CEP63: variants seen among roughly 807,000 people sequenced by gnomAD.
CEP63 encodes the protein centrosomal protein 63, also known as centrosomal protein of 63 kDa.
A neutral mutation model predicts 89.1 loss-of-function variants in CEP63; 84 were observed. That is an observed-to-expected ratio of 0.94 (90% CI 0.79 to 1.13). The LOEUF (loss-of-function observed/expected upper bound fraction) is 1.13, where lower values mean the gene tolerates loss of function less well. CEP63 is among the 50% of genes most tolerant of loss of function. The pLI, the probability that CEP63 is intolerant of heterozygous loss-of-function variation, is 0.00. For missense variants in CEP63, 838 were observed against 813.3 expected, an observed-to-expected ratio of 1.03 and a Z score of -0.37; for synonymous variants, 267 against 272.5, an observed-to-expected ratio of 0.98 and a Z score of 0.20.
chr3:134,608,970 T>C, the CEP63 span: 1 of 1,016,046 alleles, frequency 9.8e-7, no homozygotes, highest in Non-Finnish European at 1.4e-6. Flanking sequence ...ACATGGGCAC[T>C]GGAGACTCCT....
At chr3:134,664,393 C>A in the CEP63 span, among the ~76,000 whole-genome samples, 1 of 152,190 alleles carries the variant, frequency 6.6e-6, no homozygotes, top group Non-Finnish European at 1.5e-5. Flanking sequence ...ACAAGCAGCA[C>A]CAGCCCAAAC....
chr3:134,621,813 A>G, the CEP63 span, among the ~76,000 whole-genome samples: 1 of 152,228 alleles, frequency 6.6e-6, no homozygotes, highest in Admixed American at 6.5e-5. Context: ...TGCAAATCAT[A>G]TATCCAATAA....
the CEP63 span, among the ~76,000 whole-genome samples, chr3:134,682,293 C>A: frequency 6.6e-6 from 1 of 152,100 alleles, no homozygotes; most frequent in East Asian, 1.9e-4. Flanking sequence ...CTCTGGGTAC[C>A]TTTTTAGCTA....
chr3:134,559,217 C>T lies in CEP63; in HGVS notation c.1741C>T (p.Pro581Ser). 1 of 1,614,136 alleles carries T rather than the reference C, an allele frequency of 6.2e-7. No homozygotes were observed. The highest frequency in any genetic ancestry group is 8.5e-7 in the Non-Finnish European group (1 of 1,180,008). Residue 581 changes from proline to serine, a missense_variant, in exon 14 of 15, where the codon CCA (proline) becomes TCA (serine). Pro to Ser is a moderately conservative substitution (Grantham distance 74). Coordinates refer to ENST00000675561, the MANE Select transcript of CEP63 (RefSeq NM_001353108.3). ...TEHYKTDLHS[P>S]RGQASDSINP... Reference sequence around the variant, plus strand: ...GCACTACAAAACAGATCTTCATTCTCCAAGAGGACAAGCGTCGGATAGTAT... The same window carrying T: ...GCACTACAAAACAGATCTTCATTCTTCAAGAGGACAAGCGTCGGATAGTAT...
chr3:134,647,043 T>G, the CEP63 span, among the ~76,000 whole-genome samples: 13 of 152,354 alleles, frequency 8.5e-5, no homozygotes, highest in East Asian at 2.5e-3. Context: ...CTTCTCAGGC[T>G]TCAAGTCATA....
intron 3 of CEP63, among the ~76,000 whole-genome samples, chr3:134,520,322 A>G (rs1947170237): frequency 1.3e-5 from 2 of 152,220 alleles, no homozygotes; most frequent in South Asian, 4.1e-4. Flanking sequence ...ACCCTTGACA[A>G]GAGTATCAAA....
At chr3:134,544,939 C>T (rs930980418) in intron 6 of CEP63, among the ~76,000 whole-genome samples, 2 of 152,100 alleles carry the variant, frequency 1.3e-5, no homozygotes, top group Non-Finnish European at 2.9e-5. Flanking sequence ...CTTCCGCTTC[C>T]TGGGTTCATG....
intron 11 of CEP63, among the ~76,000 whole-genome samples, chr3:134,570,505 G>A (rs543695672): frequency 1.3e-5 from 2 of 152,304 alleles, no homozygotes; most frequent in Admixed American, 1.3e-4. Flanking sequence ...CTTTGCTCCA[G>A]TTCCCAACAA....
the CEP63 span, chr3:134,647,640 C>A: frequency 1.7e-6 from 1 of 583,040 alleles, no homozygotes; most frequent in South Asian, 2.3e-5. Context: ...AATAAGATGC[C>A]CTTGAGGGAA....
At chr3:134,548,998 A>G (rs1024491411) in intron 9 of CEP63, 64 bp from the exon 10 acceptor site, 4 of 928,878 alleles carry the variant, frequency 4.3e-6, no homozygotes, top group East Asian at 2.4e-5. Context: ...TGTAAATTAG[A>G]TAGTCCAATT....
intron 12 of CEP63, among the ~76,000 whole-genome samples, chr3:134,555,719 A>G (rs1200131288): frequency 1.3e-5 from 2 of 151,832 alleles, no homozygotes; most frequent in South Asian, 2.1e-4. Flanking sequence ...TACAGATTCA[A>G]TGCCATCCCC....
the CEP63 span, among the ~76,000 whole-genome samples, chr3:134,645,248 G>C: frequency 3.9e-5 from 6 of 152,190 alleles, no homozygotes; most frequent in Non-Finnish European, 8.8e-5. Flanking sequence ...AGGCGGCTGG[G>C]CCCAAACACC....
the CEP63 span, among the ~76,000 whole-genome samples, chr3:134,671,440 C>A: frequency 6.6e-6 from 1 of 152,032 alleles, no homozygotes; most frequent in South Asian, 2.1e-4. Flanking sequence ...ACCAGTACTG[C>A]AATATACCCA....
chr3:134,504,887 T>C (rs1576837061), intron 2 of CEP63, among the ~76,000 whole-genome samples: 2 of 152,262 alleles, frequency 1.3e-5, no homozygotes, highest in Admixed American at 1.3e-4. Flanking sequence ...CGTACTTGTT[T>C]TTACTCTGTT....
chr3:134,759,185 C>T, the CEP63 span, among the ~76,000 whole-genome samples: 9 of 152,254 alleles, frequency 5.9e-5, no homozygotes, highest in South Asian at 1.9e-3. Context: ...GTAACAAATC[C>T]GTGTTGTTTT....
the CEP63 span, among the ~76,000 whole-genome samples, chr3:134,700,344 C>A: frequency 1.0e-3 from 155 of 152,334 alleles, 2 homozygotes; most frequent in Non-Finnish European, 9.8e-4. Context: ...CCAATCTATT[C>A]TTCACACAGC....
At chr3:134,647,995 C>T in the CEP63 span, among the ~76,000 whole-genome samples, 4 of 152,168 alleles carry the variant, frequency 2.6e-5, no homozygotes, top group African/African-American at 9.7e-5. Context: ...ATGGCCTAGC[C>T]ATGGCCAATC....
At chr3:134,578,332 T>TG (rs766741491), downstream of CEP63, among the ~76,000 whole-genome samples, 5,455 of 67,896 alleles carry the variant, frequency 0.08, 151 homozygotes, top group Non-Finnish European at 0.11. Context: ...GTTTTTTTTT[T>TG]TTTTTTTTTT....
At chr3:134,734,578 G>A in the CEP63 span, among the ~76,000 whole-genome samples, 12 of 152,202 alleles carry the variant, frequency 7.9e-5, no homozygotes, top group South Asian at 2.3e-3. Context: ...CATATACTAT[G>A]AGCAACTTTA....
Sources: allele counts gnomAD v4.1 joint callset (sites outside exome capture counted in the v4.1 genomes callset), GRCh38; gene constraint gnomAD v4.1.1; transcripts MANE v1.5; gene names NCBI Gene and HGNC (gene_info 2026-07-23, HGNC 2026-07-21).